The following CSNK1G2 variants were observed in gnomAD, a reference collection of about 807,000 sequenced individuals.
The protein encoded by CSNK1G2 is casein kinase I isoform gamma-2.
CSNK1G2 carries 11 observed loss-of-function variants against 48.0 expected under a neutral mutation model. That is an observed-to-expected ratio of 0.23 (90% confidence interval 0.14 to 0.38). CSNK1G2 has a LOEUF of 0.38. CSNK1G2 is among the 10% of genes least tolerant of loss of function. CSNK1G2 has a pLI of 1.00. For synonymous variants in CSNK1G2, 337 were observed against 254.1 expected (o/e 1.33, Z -3.10); for missense variants, 446 against 595.5 (o/e 0.75, Z 2.61).
At chr19:1,965,103 G>A (rs945210494) in intron 1 of CSNK1G2, among the ~76,000 whole-genome samples, 15 of 148,446 alleles carry the variant, frequency 1.0e-4, no homozygotes, top group Middle Eastern at 3.4e-3. Context: ...AGACGTACAC[G>A]ATCAGTTTCC....
chr19:1,967,757 C>CGAGGCT (rs2015414925), intron 1 of CSNK1G2, among the ~76,000 whole-genome samples: 3 of 80,090 alleles, frequency 3.7e-5, no homozygotes, highest in African/African-American at 2.5e-4. Flanking sequence ...CCAGGCTGCC[C>CGAGGCT]CCGACCACCC....
Position 1,979,847 on chromosome 19 carries a change from G to A in CSNK1G2, c.1086+12G>A. 1 of 1,602,890 alleles carries A rather than the reference G, an allele frequency of 6.2e-7. No homozygotes were observed. The highest frequency in any genetic ancestry group is 8.5e-7 in the Non-Finnish European group (1 of 1,175,406). ...ACAGCAAAAACCAGGTGAGGCCCGG[G>A]CGGGACCGACCGCCCCAGGGAGGGG... On this transcript the variant is annotated intron_variant, in intron 10 of 11. Transcript: ENST00000255641.
Position 1,979,218 on chromosome 19 carries a change from G to C in CSNK1G2, c.738G>C (p.Leu246=). 6.5e-7 allele frequency: 1 copy of C among 1,549,724 alleles called. No homozygotes were observed. The highest frequency in any genetic ancestry group is 1.4e-5 in the African/African-American group (1 of 73,448). Residue 246 remains leucine, a synonymous_variant, in exon 7 of 12, where the codon CTG becomes CTC. Transcript: ENST00000255641. ...TGGGCCACATGTTCATGTACTTCCT[G>C]CGCGGCAGCCTCCCCTGGCAGGGGC... ...EALGHMFMYF[L]RGSLPWQGLK...
intron 8 of CSNK1G2, 37 bp from the exon 9 acceptor site, chr19:1,979,458 C>G: frequency 1.5e-6 from 2 of 1,364,452 alleles, no homozygotes; most frequent in East Asian, 5.5e-5. Context: ...CCCCCACCCC[C>G]ACCCCCGCCG....
At chr19:1,973,245 A>G (rs1262299878) in intron 2 of CSNK1G2, among the ~76,000 whole-genome samples, 1 of 146,798 alleles carries the variant, frequency 6.8e-6, no homozygotes, top group Non-Finnish European at 1.5e-5. Flanking sequence ...GTTTTTTGAG[A>G]CAGAGTCTCA....
At position 1,978,086 on chromosome 19, in the gene CSNK1G2, C is replaced by T. The variant is rs982730767; in HGVS notation, c.188-219C>T. Among the ~76,000 whole-genome samples, 3 of 152,014 alleles carry T rather than the reference C, an allele frequency of 2.0e-5. No individual in the cohort carries two copies. The highest frequency in any genetic ancestry group is 6.5e-5 in the Admixed American group (1 of 15,272). ...GGAGGAGGAGTGGCAGACACTGAGG[C>T]GGTGACCACACGGGCAGGGTGCAGG... On this transcript the variant is annotated intron_variant, in intron 2 of 11. Transcript: ENST00000255641. The surrounding 1 kb of genome is among the most constrained non-coding windows in gnomAD (Gnocchi z 7.3).
intron 1 of CSNK1G2, among the ~76,000 whole-genome samples, chr19:1,963,815 A>T (rs1366190933): frequency 1.6e-5 from 2 of 127,338 alleles, no homozygotes; most frequent in African/African-American, 3.0e-5. Flanking sequence ...GCCTCTACAA[A>T]TTTTTTTTTT....
chr19:1,952,179 C>T (rs1413247297), intron 1 of CSNK1G2, among the ~76,000 whole-genome samples: 1 of 152,234 alleles, frequency 6.6e-6, no homozygotes, highest in Non-Finnish European at 1.5e-5. Context: ...GCAAGCACAC[C>T]TTGGCCCCTC....
chr19:1,967,759 C>T (rs112004978), intron 1 of CSNK1G2, among the ~76,000 whole-genome samples: 8,854 of 64,592 alleles, frequency 0.14, 2,220 homozygotes, highest in African/African-American at 0.42. Flanking sequence ...AGGCTGCCCC[C>T]GACCACCCTT....
chr19:1,948,530 A>AG (rs1281685325), intron 1 of CSNK1G2, among the ~76,000 whole-genome samples: 2 of 121,524 alleles, frequency 1.6e-5, no homozygotes, highest in African/African-American at 5.6e-5. Flanking sequence ...TCAAAAAAAA[A>AG]AAAAAAAAAC....
intron 1 of CSNK1G2, among the ~76,000 whole-genome samples, chr19:1,946,589 CTATT>C (rs537325712): frequency 2.0e-4 from 28 of 139,238 alleles, no homozygotes; most frequent in African/African-American, 2.7e-4. Context: ...CCGCGCCCGG[CTATT>C]TATTTATTTA....
intron 1 of CSNK1G2, chr19:1,953,245 G>A (rs2014844816): frequency 1.6e-5 from 6 of 380,690 alleles, no homozygotes; most frequent in South Asian, 1.2e-4. Flanking sequence ...CTTGGGACCG[G>A]GGACCCCTGC....
chr19:1,978,352 C>G lies in CSNK1G2; in HGVS notation c.228+7C>G, dbSNP rs201822816. Reference sequence around the variant, plus strand: ...ATACGTGGCTATCAAATTGGTGAGTCGGCCCCTCCACCCCACCCCCGCTGA... The same window carrying G: ...ATACGTGGCTATCAAATTGGTGAGTGGGCCCCTCCACCCCACCCCCGCTGA... On this transcript the variant is annotated splice_region_variant and intron_variant, in intron 3 of 11. Transcript: ENST00000255641. This position sits in a 1 kb window ranked among gnomAD's most constrained non-coding sequence, Gnocchi z 7.3. 1 of 1,613,130 alleles carries G rather than the reference C, an allele frequency of 6.2e-7. No individual in the cohort carries two copies. Among genetic ancestry groups the G allele is most frequent in the African/African-American group, 1.3e-5 (1 of 74,876 alleles).
chr19:1,959,657 C>T (rs1379505205), intron 1 of CSNK1G2, among the ~76,000 whole-genome samples: 1 of 132,826 alleles, frequency 7.5e-6, no homozygotes. Flanking sequence ...CCCCCAGCAC[C>T]CGCCCCACCT....
intron 1 of CSNK1G2, among the ~76,000 whole-genome samples, chr19:1,968,319 G>C (rs1320315403): frequency 6.9e-6 from 1 of 144,812 alleles, no homozygotes; most frequent in Non-Finnish European, 1.5e-5. Flanking sequence ...CTCCTCCCCA[G>C]GCTGCCCCTG....
rs997645652 is a variant in CSNK1G2, at chr19:1,979,838, G to A, written c.1086+3G>A. 1.2e-6 allele frequency: 2 copies of A among 1,604,262 alleles called. No individual in the cohort carries two copies. Among genetic ancestry groups the A allele is most frequent in the South Asian group, 1.1e-5 (1 of 90,084 alleles). ...CCCAGCCGCACAGCAAAAACCAGGTGAGGCCCGGGCGGGACCGACCGCCCC... is the reference window on the plus strand; with the variant it reads ...CCCAGCCGCACAGCAAAAACCAGGTAAGGCCCGGGCGGGACCGACCGCCCC... On this transcript the variant is annotated splice_donor_region_variant and intron_variant, in intron 10 of 11. Transcript: ENST00000255641.
intron 1 of CSNK1G2, among the ~76,000 whole-genome samples, chr19:1,948,501 G>A (rs2014647780): frequency 7.5e-6 from 1 of 133,774 alleles, no homozygotes; most frequent in Non-Finnish European, 1.5e-5. Flanking sequence ...CCATGTGGGC[G>A]ACAGAGTGAG....
chr19:1,979,336 G>A lies in CSNK1G2; in HGVS notation c.786G>A (p.Glu262=), dbSNP rs772975375. Residue 262 remains glutamate (E), a synonymous_variant, in exon 8 of 12, where the codon GAG becomes GAA. Coordinates refer to ENST00000255641, the MANE Select transcript of CSNK1G2 (RefSeq NM_001319.7). Reference sequence around the variant, plus strand: ...CCCCGCAGGCCGACACGCTCAAGGAGCGGTACCAGAAGATCGGGGACACCA... The same window carrying A: ...CCCCGCAGGCCGACACGCTCAAGGAACGGTACCAGAAGATCGGGGACACCA... ...WQGLKADTLK[E]RYQKIGDTKR... is the part of the protein sequence containing the mutation. 6.2e-7 allele frequency: 1 copy of A among 1,604,528 alleles called. No individual in the cohort carries two copies. Among genetic ancestry groups the A allele is most frequent in the Admixed American group, 1.7e-5 (1 of 58,824 alleles).
chr19:1,945,699 A>G (rs914416182), intron 1 of CSNK1G2, among the ~76,000 whole-genome samples: 12 of 152,086 alleles, frequency 7.9e-5, no homozygotes, highest in Non-Finnish European at 1.5e-4. Context: ...GCGTGCGCCC[A>G]TAATCCCAGC....
Sources: allele counts gnomAD v4.1 joint callset (sites outside exome capture counted in the v4.1 genomes callset), GRCh38; gene constraint gnomAD v4.1.1; non-coding constraint Gnocchi (gnomAD v3.1); transcripts MANE v1.5; gene names NCBI Gene and HGNC (gene_info 2026-07-23, HGNC 2026-07-21).